The following PIK3CB variants were observed in gnomAD, a reference collection of about 807,000 sequenced individuals.
PIK3CB encodes phosphatidylinositol-4,5-bisphosphate 3-kinase catalytic subunit beta, also known as phosphatidylinositol 4,5-bisphosphate 3-kinase catalytic subunit beta isoform.
PIK3CB carries 39 observed loss-of-function variants against 136.8 expected under a neutral mutation model. That is an observed-to-expected ratio of 0.29 (90% CI 0.22 to 0.37). PIK3CB has a LOEUF of 0.37. Ranked by LOEUF, PIK3CB falls within the 10% of genes least tolerant of loss-of-function variation. The probability of loss-of-function intolerance (pLI) is 1.00; values close to 1 mark genes in which losing one functional copy is unlikely to be tolerated. For synonymous variants in PIK3CB, 428 were observed against 436.6 expected, an observed-to-expected ratio of 0.98 and a Z score of 0.25; for missense variants, 868 against 1,275.4, an observed-to-expected ratio of 0.68 and a Z score of 4.87.
chr3:138,692,302 A>G (rs940637182), intron 14 of PIK3CB, among the ~76,000 whole-genome samples: 5 of 152,128 alleles, frequency 3.3e-5, no homozygotes, highest in African/African-American at 1.2e-4. Flanking sequence ...AAAACCAAAA[A>G]CTCATAACCA....
At chr3:138,741,645 T>C (rs1448359778) in intron 5 of PIK3CB, among the ~76,000 whole-genome samples, 3 of 152,032 alleles carry the variant, frequency 2.0e-5, no homozygotes, top group Non-Finnish European at 2.9e-5. Flanking sequence ...CCTGCCAACA[T>C]GATGAAACCC....
intron 4 of PIK3CB, among the ~76,000 whole-genome samples, chr3:138,745,469 T>A (rs940019710): frequency 6.6e-6 from 1 of 151,850 alleles, no homozygotes; most frequent in Non-Finnish European, 1.5e-5. Context: ...CCCATCTCTA[T>A]TAAAAACACA....
chr3:138,665,278 A>T (rs1288532560), intron 19 of PIK3CB, 75 bp from the exon 20 acceptor site: 1 of 1,179,868 alleles, frequency 8.5e-7, no homozygotes, highest in Non-Finnish European at 1.2e-6. Flanking sequence ...TTTTCCCTTT[A>T]CTTTTTAAAA....
intron 8 of PIK3CB, among the ~76,000 whole-genome samples, chr3:138,720,032 C>A (rs1478339671): frequency 6.6e-6 from 1 of 152,068 alleles, no homozygotes; most frequent in Non-Finnish European, 1.5e-5. Context: ...TTTCAAGTTT[C>A]TGACAAGAAA....
At chr3:138,820,325 C>T (rs1213428565) in intron 1 of PIK3CB, among the ~76,000 whole-genome samples, 1 of 152,164 alleles carries the variant, frequency 6.6e-6, no homozygotes, top group Non-Finnish European at 1.5e-5. Context: ...TCAAACATCA[C>T]CTCAGAATTT....
chr3:138,801,786 C>T (rs1050421644), intron 1 of PIK3CB, among the ~76,000 whole-genome samples: 3 of 148,412 alleles, frequency 2.0e-5, no homozygotes, highest in African/African-American at 7.5e-5. Flanking sequence ...TTGCTTGAAC[C>T]CGGGAGGCAG....
chr3:138,689,120 C>A, intron 15 of PIK3CB, 146 bp from the exon 16 acceptor site: 2 of 600,256 alleles, frequency 3.3e-6, no homozygotes, highest in Non-Finnish European at 6.1e-6. Flanking sequence ...CCCTTCCTTC[C>A]TTTTTTGAGA....
chr3:138,785,131 T>C (rs1439754906), intron 2 of PIK3CB, among the ~76,000 whole-genome samples: 1 of 148,816 alleles, frequency 6.7e-6, no homozygotes, highest in African/African-American at 2.5e-5. Flanking sequence ...AGCCGCCCCG[T>C]CCGGGAGGGA....
intron 12 of PIK3CB, among the ~76,000 whole-genome samples, chr3:138,702,424 T>C (rs1219749783): frequency 2.6e-5 from 4 of 152,118 alleles, no homozygotes; most frequent in African/African-American, 9.7e-5. Flanking sequence ...AAACAAATTG[T>C]AAAGGTATAT....
chr3:138,677,217 G>A (rs1280552104), intron 19 of PIK3CB, among the ~76,000 whole-genome samples: 3 of 152,070 alleles, frequency 2.0e-5, no homozygotes, highest in African/African-American at 7.2e-5. Flanking sequence ...GTGCCACCAT[G>A]CCTCACTAAT....
intron 5 of PIK3CB, 27 bp from the exon 6 acceptor site, chr3:138,737,913 A>G: frequency 6.9e-7 from 1 of 1,456,364 alleles, no homozygotes; most frequent in Non-Finnish European, 9.4e-7. Flanking sequence ...ATGGGGAAAA[A>G]AGCAGTAAAT....
chr3:138,703,631 T>C (rs1294247963), intron 12 of PIK3CB, among the ~76,000 whole-genome samples: 1 of 151,916 alleles, frequency 6.6e-6, no homozygotes, highest in Non-Finnish European at 1.5e-5. Context: ...TATAGATATA[T>C]AGATGTAGAT....
chr3:138,691,061 A>G lies in PIK3CB; in HGVS notation c.1975T>C (p.Phe659Leu), dbSNP rs766117304. Residue 659 changes from phenylalanine (F) to leucine (L), a missense_variant, in exon 15 of 24, where the codon TTC becomes CTC. By Grantham distance (22) the Phe-to-Leu change is conservative. Coordinates refer to ENST00000674063, the MANE Select transcript of PIK3CB (RefSeq NM_006219.3). ...TTACCAAGTGCTCTTTCTAATAGGA[A>G]TCTAGAGAGGGCACAATCAAGAAAA... Reference protein sequence around the residue: ...EPFLDCALSRFLLERALGNRR... With the variant: ...EPFLDCALSRLLLERALGNRR... 1 of 1,611,724 alleles carries G rather than the reference A, an allele frequency of 6.2e-7. No individual in the cohort carries two copies. Among genetic ancestry groups the G allele is most frequent in the Admixed American group, 1.7e-5 (1 of 60,014 alleles).
chr3:138,826,238 T>C, intron 1 of PIK3CB: 1 of 1,530,152 alleles, frequency 6.5e-7, no homozygotes, highest in Non-Finnish European at 8.9e-7. Flanking sequence ...TGAAACAGAG[T>C]TGCCGTGGGT....
chr3:138,737,856 T>C lies in PIK3CB; in HGVS notation c.652A>G (p.Met218Val), dbSNP rs374366468. Residue 218 changes from methionine (M) to valine (V), a missense_variant, in exon 6 of 24, where the codon ATG becomes GTG. Physicochemically the swap from Met to Val is conservative, Grantham distance 21. Transcript: ENST00000674063. ...AATTCATTTACTTTGATAGGATTCA[T>C]ATTAGGAGACACTTGAAAGCTAAAC... Reference protein sequence around the residue: ...DVFSFQVSPNMNPIKVNELAI... With the variant: ...DVFSFQVSPNVNPIKVNELAI... 29 of 1,604,012 alleles carry C rather than the reference T, an allele frequency of 1.8e-5. No individual in the cohort carries two copies. Among genetic ancestry groups the C allele is most frequent in the Admixed American group, 5.1e-5 (3 of 58,818 alleles).
intron 2 of PIK3CB, among the ~76,000 whole-genome samples, chr3:138,791,765 G>A (rs2108816360): frequency 6.6e-6 from 1 of 152,274 alleles, no homozygotes; most frequent in South Asian, 2.1e-4. Flanking sequence ...CAGAGGGCCT[G>A]CTCCCTCACT....
intron 14 of PIK3CB, among the ~76,000 whole-genome samples, chr3:138,693,158 C>T (rs1325752116): frequency 6.6e-6 from 1 of 151,348 alleles, no homozygotes; most frequent in African/African-American, 2.4e-5. Flanking sequence ...GTAGTGGCAC[C>T]ATCTCAGCTC....
chr3:138,681,140 G>A (rs1431095605), intron 19 of PIK3CB, among the ~76,000 whole-genome samples: 4 of 146,494 alleles, frequency 2.7e-5, no homozygotes, highest in African/African-American at 5.1e-5. Context: ...TCCACTTCCC[G>A]GGTTTAAGCG....
chr3:138,664,079 G>A (rs571577960), intron 20 of PIK3CB, 50 bp from the exon 21 acceptor site: 43 of 1,597,710 alleles, frequency 2.7e-5, no homozygotes, highest in South Asian at 2.4e-4. Flanking sequence ...GCCTCCAAGC[G>A]TGTAGAGTGA....
Sources: allele counts gnomAD v4.1 joint callset (sites outside exome capture counted in the v4.1 genomes callset), GRCh38; gene constraint gnomAD v4.1.1; transcripts MANE v1.5; gene names NCBI Gene and HGNC (gene_info 2026-07-23, HGNC 2026-07-21).